Variants in FASTKD1 observed in about 807,000 individuals in gnomAD.
FASTKD1 encodes FAST kinase domains 1.
FASTKD1 carries 94 observed loss-of-function variants against 90.9 expected under a neutral mutation model. The observed-to-expected ratio is 1.03, with a 90% CI of 0.88 to 1.23. The LOEUF is 1.23. Among genes scored for constraint, FASTKD1 ranks in the 50% most tolerant of loss-of-function variants. FASTKD1 has a pLI of 0.00. For missense variants in FASTKD1, 945 were observed against 993.5 expected, an observed-to-expected ratio of 0.95 and a Z score of 0.66; for synonymous variants, 319 against 345.8, an observed-to-expected ratio of 0.92 and a Z score of 0.86.
At chr2:169,533,812 A>G (rs1315449605) in intron 12 of FASTKD1, among the ~76,000 whole-genome samples, 1 of 152,188 alleles carries the variant, frequency 6.6e-6, no homozygotes, top group Non-Finnish European at 1.5e-5. Flanking sequence ...ATAAACTGCT[A>G]TGATCTAAAT....
intron 12 of FASTKD1, 96 bp from the exon 13 acceptor site, chr2:169,531,586 TAC>T (rs899448889): frequency 1.8e-4 from 164 of 912,430 alleles, no homozygotes; most frequent in Non-Finnish European, 2.2e-4. Context: ...ATAATATTTG[TAC>T]ACACACACAC....
intron 14 of FASTKD1, 102 bp downstream of exon 14, chr2:169,530,485 T>C (rs1022793247): frequency 4.3e-6 from 3 of 690,106 alleles, no homozygotes; most frequent in Admixed American, 2.7e-5. Context: ...TTAAAAAATA[T>C]ATTTAAAAAG....
chr2:169,555,098 A>T, intron 7 of FASTKD1, 26 bp downstream of exon 7: 1 of 1,595,080 alleles, frequency 6.3e-7, no homozygotes, highest in Non-Finnish European at 8.5e-7. Flanking sequence ...ATGAAACACT[A>T]AACAAAATTT....
intron 5 of FASTKD1, among the ~76,000 whole-genome samples, chr2:169,558,948 C>T (rs548142327): frequency 6.7e-6 from 1 of 150,260 alleles, no homozygotes; most frequent in East Asian, 2.0e-4. Context: ...AAGATGTGCT[C>T]TTAAATTTTT....
intron 5 of FASTKD1, 198 bp downstream of exon 5, chr2:169,560,189 C>T (rs1209897692): frequency 1.4e-5 from 5 of 349,654 alleles, no homozygotes; most frequent in Non-Finnish European, 2.6e-5. Flanking sequence ...CCTTTCAGAA[C>T]ACAGCAACAG....
chr2:169,557,246 G>T lies in FASTKD1; in HGVS notation c.1023C>A (p.Ala341=), dbSNP rs201367020. The change falls in exon 6 of 15, where the codon GCC becomes GCA. Residue 341 remains alanine (A), a synonymous_variant. Coordinates refer to ENST00000453153, the MANE Select transcript of FASTKD1 (RefSeq NM_024622.6). ...LMSEDLTGEQ[A]LAVLGAMGDM... ...CTCCCATTGCTCCCAACACTGCCAG[G>T]GCTTGCTCGCCAGTTAGGTCCTCTG... is the stretch of plus-strand genomic sequence containing the variant. 54 of 1,612,464 alleles carry T rather than the reference G, an allele frequency of 3.3e-5. No individual in the cohort carries two copies. In the African/African-American group the frequency reaches 6.5e-4, roughly 20 times the overall value.
intron 2 of FASTKD1, among the ~76,000 whole-genome samples, chr2:169,571,424 C>T (rs1040152546): frequency 5.3e-5 from 8 of 151,298 alleles, no homozygotes; most frequent in South Asian, 2.1e-4. Context: ...ATTAGCCGGG[C>T]GTGGTGGCAG....
intron 8 of FASTKD1, 135 bp from the exon 9 acceptor site, chr2:169,544,970 TA>T: frequency 1.8e-6 from 1 of 547,958 alleles, no homozygotes; most frequent in Non-Finnish European, 3.2e-6. Flanking sequence ...CCCTGCTTAT[TA>T]ATTTTTCCAT....
At chr2:169,537,011 TTC>T in intron 12 of FASTKD1, 2 of 317,196 alleles carry the variant, frequency 6.3e-6, no homozygotes, top group African/African-American at 2.2e-5. Context: ...TTTTTTTTTT[TTC>T]TAAAGAATAG....
intron 1 of FASTKD1, chr2:169,573,007 ATAT>A (rs940143485): frequency 6.6e-6 from 1 of 152,202 alleles, no homozygotes; most frequent in Non-Finnish European, 1.5e-5. Context: ...TTCCAGGTTG[ATAT>A]TATTTCCATT....
chr2:169,544,862 A>G (rs1418941626), intron 8 of FASTKD1, 27 bp from the exon 9 acceptor site: 3 of 1,352,480 alleles, frequency 2.2e-6, no homozygotes, highest in Non-Finnish European at 3.1e-6. Context: ...AAAAATTTAT[A>G]GTTTAAACTT....
chr2:169,555,046 C>A, intron 7 of FASTKD1, 78 bp downstream of exon 7: 1 of 1,368,186 alleles, frequency 7.3e-7, no homozygotes, highest in Non-Finnish European at 1.0e-6. Context: ...ACTTCTAGCA[C>A]CACTGTACAT....
chr2:169,562,108 T>C (rs1186173615), intron 4 of FASTKD1, among the ~76,000 whole-genome samples: 1 of 126,100 alleles, frequency 7.9e-6, no homozygotes, highest in Admixed American at 7.8e-5. Context: ...AATAATTATT[T>C]ATTAATTTAT....
Position 169,563,340 on chromosome 2 carries a change from T to G in FASTKD1, c.457A>C (p.Lys153Gln). ...AWRRLERFDI[K>Q]LLSEFSSCLA... ...CAAGAGGAAAATTCTGAGAGCAGTT[T>G]AATATCAAACCTATTAAAGGAAATA... is the stretch of plus-strand genomic sequence containing the variant. Residue 153 changes from lysine (K) to glutamine (Q), a missense_variant, in exon 4 of 15, where the codon AAA (lysine) becomes CAA (glutamine). By Grantham distance (53) the Lys-to-Gln change is moderately conservative. Coordinates refer to ENST00000453153, the MANE Select transcript of FASTKD1 (RefSeq NM_024622.6). 3 of 1,598,294 alleles carry G rather than the reference T, an allele frequency of 1.9e-6. No individual in the cohort carries two copies. Among genetic ancestry groups the G allele is most frequent in the Non-Finnish European group, 1.7e-6 (2 of 1,167,006 alleles).
chr2:169,557,387 GA>G (rs56157235), intron 5 of FASTKD1, 90 bp from the exon 6 acceptor site: 122 of 526,264 alleles, frequency 2.3e-4, no homozygotes, highest in African/African-American at 2.2e-3. Context: ...TAACAAATAG[GA>G]AAAAAAATAT....
chr2:169,569,340 ACT>A (rs1371479429), intron 2 of FASTKD1, 88 bp from the exon 3 acceptor site: 3 of 1,257,112 alleles, frequency 2.4e-6, no homozygotes, highest in African/African-American at 1.5e-5. Flanking sequence ...CAAAAGTGAA[ACT>A]CAAGTTATTT....
Position 169,560,721 on chromosome 2 carries a change from C to T in FASTKD1, c.637G>A (p.Val213Met). 1.2e-6 allele frequency: 2 copies of T among 1,601,544 alleles called. No homozygotes were observed. The highest frequency in any genetic ancestry group is 1.7e-6 in the Non-Finnish European group (2 of 1,175,452). ...LISRHFQQQL[V>M]NKTELLFDTI... is the part of the protein sequence containing the mutation. Reference sequence around the variant, plus strand: ...TCAAAAAGAAGTTCTGTTTTGTTCACCAGTTGTTGTTGAAAATGTCGTGAT... The same window carrying T: ...TCAAAAAGAAGTTCTGTTTTGTTCATCAGTTGTTGTTGAAAATGTCGTGAT... Residue 213 changes from valine (V) to methionine (M), a missense_variant, in exon 5 of 15, where the codon GTG becomes ATG. By Grantham distance (21) the Val-to-Met change is conservative. Transcript: ENST00000453153.
At chr2:169,569,542 T>C (rs1416428264) in intron 2 of FASTKD1, among the ~76,000 whole-genome samples, 1 of 152,196 alleles carries the variant, frequency 6.6e-6, no homozygotes, top group African/African-American at 2.4e-5. Flanking sequence ...ACATATAATA[T>C]GTCTTTGTTC....
chr2:169,538,948 T>C (rs1684849877), intron 10 of FASTKD1, among the ~76,000 whole-genome samples: 1 of 152,054 alleles, frequency 6.6e-6, no homozygotes, highest in Non-Finnish European at 1.5e-5. Flanking sequence ...AAAGTGAATA[T>C]ATAAATAATC....
Sources: gnomAD v4.1 joint callset for allele counts (sites outside exome capture counted in the v4.1 genomes callset) on GRCh38, gnomAD v4.1.1 for gene constraint, MANE v1.5 for transcripts, NCBI Gene and HGNC (gene_info 2026-07-23, HGNC 2026-07-21) for gene names.